Variants in CNTNAP2 observed in about 807,000 individuals in gnomAD.
CNTNAP2 encodes the protein contactin-associated protein-like 2.
In CNTNAP2, 98 loss-of-function variants were observed where a neutral mutation model predicts 155.2. The observed-to-expected ratio is 0.63, with a 90% CI of 0.54 to 0.75. The LOEUF (loss-of-function observed/expected upper bound fraction) is 0.75. Among genes scored for constraint, CNTNAP2 ranks in the 30% least tolerant of loss-of-function variants. CNTNAP2 has a pLI of 0.00. For missense variants in CNTNAP2, 1,727 were observed against 1,688.1 expected, an observed-to-expected ratio of 1.02 and a Z score of -0.40; for synonymous variants, 651 against 631.2, an observed-to-expected ratio of 1.03 and a Z score of -0.47.
intron 1 of CNTNAP2, among the ~76,000 whole-genome samples, chr7:146,628,809 G>T (rs1469617950): frequency 1.3e-5 from 2 of 152,044 alleles, no homozygotes; most frequent in Non-Finnish European, 2.9e-5. Flanking sequence ...AGATCAAAGT[G>T]TTAAGAATCA....
chr7:147,595,615 A>G (rs964514038), intron 12 of CNTNAP2, among the ~76,000 whole-genome samples: 2 of 152,236 alleles, frequency 1.3e-5, no homozygotes, highest in South Asian at 2.1e-4. Context: ...CTTGCTTTCC[A>G]TAATAACTTA....
At chr7:147,702,509 T>C (rs1191926061) in intron 13 of CNTNAP2, among the ~76,000 whole-genome samples, 1 of 151,988 alleles carries the variant, frequency 6.6e-6, no homozygotes, top group African/African-American at 2.4e-5. Context: ...AAAAGTATAG[T>C]GGTCCTCACT....
At chr7:147,311,629 C>T (rs1365074601) in intron 9 of CNTNAP2, among the ~76,000 whole-genome samples, 2 of 152,032 alleles carry the variant, frequency 1.3e-5, no homozygotes, top group Non-Finnish European at 2.9e-5. Context: ...TTGGTAATGA[C>T]ACAAAAATGC....
At chr7:146,120,469 CA>C (rs1232568282) in intron 1 of CNTNAP2, among the ~76,000 whole-genome samples, 1 of 151,940 alleles carries the variant, frequency 6.6e-6, no homozygotes, top group Non-Finnish European at 1.5e-5. Context: ...CAAAATTGGG[CA>C]AAAAAATTAA....
Position 146,207,927 on chromosome 7 carries a change from C to A in CNTNAP2, c.97+90954C>A, listed in dbSNP as rs985446268. On this transcript the variant is annotated intron_variant, in intron 1 of 23. Coordinates refer to ENST00000361727, the MANE Select transcript of CNTNAP2 (RefSeq NM_014141.6). ...AGAAAAATATTTTTTAAACTTTAGG[C>A]AGAAATAAAGCCCAAAATTTTAGTA... Among the ~76,000 whole-genome samples the A allele has an allele frequency of 6.6e-5, 10 of 151,898 alleles. 1 individual carries two copies. In the South Asian group the frequency reaches 1.9e-3, roughly 28 times the overall value.
chr7:146,580,903 C>T (rs1319794940), intron 1 of CNTNAP2, among the ~76,000 whole-genome samples: 7 of 151,964 alleles, frequency 4.6e-5, no homozygotes, highest in South Asian at 4.1e-4. Context: ...TTTGGCCAAG[C>T]GACACTCTCA....
At chr7:148,319,312 A>G (rs1457173304) in intron 21 of CNTNAP2, among the ~76,000 whole-genome samples, 1 of 152,208 alleles carries the variant, frequency 6.6e-6, no homozygotes, top group Non-Finnish European at 1.5e-5. Context: ...AAAGATCATC[A>G]TATTGTGATC....
At position 147,045,272 on chromosome 7, in the gene CNTNAP2, T is replaced by G. The variant is rs1306670907; in HGVS notation, c.550+1218T>G. Among the ~76,000 whole-genome samples the G allele has an allele frequency of 1.3e-5, 2 of 152,042 alleles. 1 individual carries two copies. The highest frequency in any genetic ancestry group is 1.3e-4 in the Admixed American group (2 of 15,246). ...AAATGAGTTCACACTAAGCAGAAAATTTCAAATGCCCCCGTTGGACAAGCT... is the reference window on the plus strand; with the variant it reads ...AAATGAGTTCACACTAAGCAGAAAAGTTCAAATGCCCCCGTTGGACAAGCT... On this transcript the variant is annotated intron_variant, in intron 4 of 23. Transcript: ENST00000361727.
intron 13 of CNTNAP2, among the ~76,000 whole-genome samples, chr7:147,763,118 G>GC (rs953828019): frequency 9.9e-5 from 15 of 152,226 alleles, no homozygotes; most frequent in Non-Finnish European, 1.9e-4. Flanking sequence ...AATTAGCCAA[G>GC]CATGGAGGCG....
chr7:146,873,739 G>A (rs1795364008), intron 3 of CNTNAP2, among the ~76,000 whole-genome samples: 1 of 152,102 alleles, frequency 6.6e-6, no homozygotes, highest in South Asian at 2.1e-4. Flanking sequence ...GATAAAGGGA[G>A]AGGCCCAAGG....
At chr7:148,104,483 C>T (rs1051473064) in intron 15 of CNTNAP2, among the ~76,000 whole-genome samples, 1 of 152,150 alleles carries the variant, frequency 6.6e-6, no homozygotes, top group Non-Finnish European at 1.5e-5. Flanking sequence ...GGCTGCCTGG[C>T]ATTACAGCAC....
At chr7:147,841,622 C>A (rs1798733014) in intron 13 of CNTNAP2, among the ~76,000 whole-genome samples, 1 of 152,202 alleles carries the variant, frequency 6.6e-6, no homozygotes, top group South Asian at 2.1e-4. Context: ...ACAGGATATT[C>A]AGGCCCTGCT....
chr7:147,066,289 A>G (rs1799778849), intron 4 of CNTNAP2, among the ~76,000 whole-genome samples: 1 of 152,208 alleles, frequency 6.6e-6, no homozygotes, highest in Admixed American at 6.5e-5. Context: ...TGTTACCATT[A>G]CAGCCAAGAC....
At chr7:148,411,256 G>A (rs954764606) in intron 23 of CNTNAP2, among the ~76,000 whole-genome samples, 1 of 151,966 alleles carries the variant, frequency 6.6e-6, no homozygotes, top group Non-Finnish European at 1.5e-5. Context: ...TAACAAGTCC[G>A]TAACTTTTAT....
intron 1 of CNTNAP2, among the ~76,000 whole-genome samples, chr7:146,394,941 T>G (rs1425648718): frequency 6.6e-6 from 1 of 152,154 alleles, no homozygotes; most frequent in African/African-American, 2.4e-5. Context: ...CTCTCGATGA[T>G]CATGTGTACA....
At chr7:147,880,179 T>C (rs972372357) in intron 13 of CNTNAP2, among the ~76,000 whole-genome samples, 1 of 152,154 alleles carries the variant, frequency 6.6e-6, no homozygotes, top group Non-Finnish European at 1.5e-5. Flanking sequence ...CCTCTAGGGC[T>C]CCATCATCAC....
chr7:147,819,919 C>A (rs1331871199), intron 13 of CNTNAP2, among the ~76,000 whole-genome samples: 2 of 152,082 alleles, frequency 1.3e-5, no homozygotes, highest in African/African-American at 4.8e-5. Flanking sequence ...AGTTTGTGGC[C>A]ATTTGGGATG....
At chr7:147,253,392 T>TG (rs1165437721) in intron 8 of CNTNAP2, among the ~76,000 whole-genome samples, 1 of 151,828 alleles carries the variant, frequency 6.6e-6, no homozygotes, top group African/African-American at 2.4e-5. Flanking sequence ...TGTTTTTTTT[T>TG]TTTTTTTTTT....
At chr7:148,051,771 A>T (rs1802893321) in intron 15 of CNTNAP2, among the ~76,000 whole-genome samples, 1 of 152,372 alleles carries the variant, frequency 6.6e-6, no homozygotes, top group Middle Eastern at 3.4e-3. Flanking sequence ...TACAGACTTC[A>T]ATGTGCAAAG....
Sources: allele counts gnomAD v4.1 joint callset (sites outside exome capture counted in the v4.1 genomes callset), GRCh38; gene constraint gnomAD v4.1.1; transcripts MANE v1.5; gene names NCBI Gene and HGNC (gene_info 2026-07-23, HGNC 2026-07-21).